ERI1: variants seen among roughly 807,000 people sequenced by gnomAD.
The protein encoded by ERI1 is 3'-5' exoribonuclease 1.
Under a neutral mutation model 39.7 loss-of-function variants are expected in ERI1, and 39 were observed. The ratio of observed to expected loss-of-function variants is 0.98; its 90% confidence interval spans 0.76 to 1.28. The LOEUF (loss-of-function observed/expected upper bound fraction) is 1.28, where lower values mean the gene tolerates loss of function less well. Among genes scored for constraint, ERI1 ranks in the 50% most tolerant of loss-of-function variants. The pLI is 0.00. For synonymous variants in ERI1, 204 were observed against 149.6 expected, an observed-to-expected ratio of 1.36 and a Z score of -2.65; for missense variants, 581 against 416.9, an observed-to-expected ratio of 1.39 and a Z score of -3.43.
chr8:9,019,915 T>A (rs1427618719), intron 5 of ERI1, among the ~76,000 whole-genome samples: 1 of 152,206 alleles, frequency 6.6e-6, no homozygotes, highest in Non-Finnish European at 1.5e-5. Context: ...TTGGTTAGTG[T>A]TATAGAAAAA....
chr8:9,088,339 C>G (rs1362170821), intron 3 of ERI1: 1 of 152,034 alleles, frequency 6.6e-6, no homozygotes, highest in Non-Finnish European at 1.5e-5. Flanking sequence ...CTCAATTTCC[C>G]ACTTTCTTTG....
intron 3 of ERI1, among the ~76,000 whole-genome samples, chr8:9,067,212 C>T (rs1045970849): frequency 1.3e-5 from 2 of 152,144 alleles, no homozygotes; most frequent in African/African-American, 2.4e-5. Flanking sequence ...CATTCATACA[C>T]ATGAAGTATG....
At chr8:9,056,585 G>A (rs1372468588) in intron 3 of ERI1, among the ~76,000 whole-genome samples, 4 of 152,140 alleles carry the variant, frequency 2.6e-5, no homozygotes, top group African/African-American at 7.2e-5. Flanking sequence ...ACATCTTAAG[G>A]CTTTTGGCCC....
intron 3 of ERI1, among the ~76,000 whole-genome samples, chr8:9,069,933 C>T (rs1176592827): frequency 2.0e-5 from 3 of 152,058 alleles, no homozygotes. Context: ...ATTAGTTTTG[C>T]TTAATTTTAA....
intron 3 of ERI1, chr8:9,096,831 C>G (rs975678684): frequency 6.6e-6 from 1 of 151,768 alleles, no homozygotes; most frequent in East Asian, 1.9e-4. Context: ...ATGCTCCCGC[C>G]TCAGCCTCCC....
At chr8:9,069,697 G>A (rs891035083) in intron 3 of ERI1, among the ~76,000 whole-genome samples, 3 of 151,876 alleles carry the variant, frequency 2.0e-5, no homozygotes, top group Admixed American at 6.6e-5. Flanking sequence ...GTAACAAACC[G>A]GCACATGTAC....
chr8:9,042,068 C>T (rs1212316418), intron 3 of ERI1, among the ~76,000 whole-genome samples: 3 of 152,116 alleles, frequency 2.0e-5, no homozygotes, highest in East Asian at 1.9e-4. Flanking sequence ...AACAGAGTAC[C>T]TCAAGGAACT....
intron 3 of ERI1, among the ~76,000 whole-genome samples, chr8:9,065,565 G>A (rs1168065344): frequency 6.6e-6 from 1 of 151,712 alleles, no homozygotes; most frequent in African/African-American, 2.4e-5. Flanking sequence ...CGTAGTGGGG[G>A]GCGCCTGTAG....
intron 3 of ERI1, among the ~76,000 whole-genome samples, chr8:9,043,247 AGT>A (rs1371438965): frequency 6.6e-6 from 1 of 152,226 alleles, no homozygotes; most frequent in African/African-American, 2.4e-5. Context: ...ACAAGCAATG[AGT>A]GTGTTTTTGT....
At chr8:9,088,742 G>A (rs2117470945) in intron 3 of ERI1, among the ~76,000 whole-genome samples, 1 of 152,330 alleles carries the variant, frequency 6.6e-6, no homozygotes, top group African/African-American at 2.4e-5. Flanking sequence ...TGAGTCAGGA[G>A]CTGTTCTCCT....
intron 3 of ERI1, among the ~76,000 whole-genome samples, chr8:9,069,183 A>G (rs548512136): frequency 1.3e-5 from 2 of 152,326 alleles, no homozygotes; most frequent in African/African-American, 4.8e-5. Context: ...CTTGATCCAT[A>G]TTCTCAGATC....
At position 9,006,595 on chromosome 8, in the gene ERI1, G is replaced by C. The variant is rs574176581; in HGVS notation, c.109-1375G>C. 2.1e-3 allele frequency among the ~76,000 whole-genome samples: 315 copies of C among 152,212 alleles called. 1 individual carries two copies. Among genetic ancestry groups the C allele is most frequent in the African/African-American group, 7.1e-3 (297 of 41,552 alleles). On this transcript the variant is annotated intron_variant, in intron 1 of 6. Transcript: ENST00000250263. ...ATTTAAAGTCAAAAGATAATTTTTTGTAAAATTCTGGTCAAGCAGAGCAAT... is the reference window on the plus strand; with the variant it reads ...ATTTAAAGTCAAAAGATAATTTTTTCTAAAATTCTGGTCAAGCAGAGCAAT...
chr8:9,020,218 T>C, intron 5 of ERI1, 132 bp from the exon 6 acceptor site: 1 of 498,890 alleles, frequency 2.0e-6, no homozygotes. Context: ...GAAGCAAGGT[T>C]AATTTTCTCA....
chr8:9,093,196 G>T (rs572216999), intron 3 of ERI1, among the ~76,000 whole-genome samples: 12 of 152,288 alleles, frequency 7.9e-5, no homozygotes, highest in African/African-American at 2.9e-4. Context: ...GGAAGAAGAA[G>T]AATTAATTGT....
At position 9,043,541 on chromosome 8, in the gene ERI1, G is replaced by C. The variant is rs541530738; in HGVS notation, n.299+23077G>C. On this transcript the variant is annotated intron_variant and non_coding_transcript_variant, in intron 3 of 3. Coordinates refer to the ERI1 transcript ENST00000518663. ...AGAAATCTTTTCATCATCCATGATA[G>C]GCAGATGAGATGCAAATAGGCCTAG... 6.6e-5 allele frequency among the ~76,000 whole-genome samples: 10 copies of C among 152,336 alleles called. 1 individual carries two copies. In the South Asian group the frequency reaches 1.9e-3, roughly 28 times the overall value.
At chr8:9,003,304 T>C (rs902597849) in intron 1 of ERI1, 133 bp downstream of exon 1, 1 of 475,874 alleles carries the variant, frequency 2.1e-6, no homozygotes, top group African/African-American at 2.0e-5. Context: ...TCTTCCTCGG[T>C]GCCCAGCTCC....
At chr8:9,058,765 C>T (rs1327392393) in intron 3 of ERI1, among the ~76,000 whole-genome samples, 4 of 151,990 alleles carry the variant, frequency 2.6e-5, no homozygotes, top group East Asian at 1.9e-4. Context: ...AATTCCATTT[C>T]ATCGTTGGAC....
chr8:9,051,298 T>C (rs547852884), intron 3 of ERI1, among the ~76,000 whole-genome samples: 15 of 152,080 alleles, frequency 9.9e-5, no homozygotes, highest in Non-Finnish European at 1.8e-4. Context: ...CTGAGGTGGC[T>C]CACAGCATCA....
At chr8:9,069,494 G>C (rs1260785184) in intron 3 of ERI1, among the ~76,000 whole-genome samples, 1 of 152,114 alleles carries the variant, frequency 6.6e-6, no homozygotes, top group Non-Finnish European at 1.5e-5. Context: ...CCCTCTCTTA[G>C]TTATGGGCAT....
Sources: gnomAD v4.1 joint callset for allele counts (sites outside exome capture counted in the v4.1 genomes callset) on GRCh38, gnomAD v4.1.1 for gene constraint, MANE v1.5 for transcripts, NCBI Gene and HGNC (gene_info 2026-07-23, HGNC 2026-07-21) for gene names.